GRM8: variants seen among roughly 807,000 people sequenced by gnomAD.
GRM8 encodes metabotropic glutamate receptor 8.
GRM8 carries 47 observed loss-of-function variants against 87.2 expected under a neutral mutation model. The ratio of observed to expected loss-of-function variants is 0.54; its 90% CI spans 0.43 to 0.69. The LOEUF is 0.69. Ranked by LOEUF, GRM8 falls within the 30% of genes least tolerant of loss-of-function variation. The pLI is 0.00. For synonymous variants in GRM8, 396 were observed against 404.5 expected, an observed-to-expected ratio of 0.98 and a Z score of 0.25; for missense variants, 1,019 against 1,139.2, an observed-to-expected ratio of 0.89 and a Z score of 1.52.
intron 3 of GRM8, among the ~76,000 whole-genome samples, chr7:127,020,860 T>C (rs980484217): frequency 5.3e-5 from 8 of 152,016 alleles, no homozygotes; most frequent in Non-Finnish European, 1.0e-4. Context: ...CAATGTCCAA[T>C]TACCATTCAG....
chr7:126,852,262 C>T (rs1797281387), intron 6 of GRM8, among the ~76,000 whole-genome samples: 1 of 152,154 alleles, frequency 6.6e-6, no homozygotes, highest in Non-Finnish European at 1.5e-5. Context: ...CAGCCAGGCC[C>T]AGCATGAGCC....
At chr7:126,704,131 G>A (rs533137489) in intron 7 of GRM8, among the ~76,000 whole-genome samples, 2 of 152,266 alleles carry the variant, frequency 1.3e-5, no homozygotes, top group East Asian at 3.9e-4. Context: ...CGAATGGAGG[G>A]ACTGGTTGAA....
chr7:126,907,294 G>A (rs1802812715), intron 3 of GRM8, among the ~76,000 whole-genome samples: 1 of 147,410 alleles, frequency 6.8e-6, no homozygotes. Flanking sequence ...AAGGGGAGGA[G>A]GAAGAGGGAG....
rs868858867 is a variant in GRM8 at position 126,875,132 on chromosome 7, A to T, written c.1156+27410T>A. 3.3e-5 allele frequency among the ~76,000 whole-genome samples: 5 copies of T among 152,164 alleles called. No homozygotes were observed. The East Asian group carries it at 5.8e-4, about 18-fold the overall frequency. On this transcript the variant is annotated intron_variant, in intron 6 of 10. Coordinates refer to ENST00000339582, the MANE Select transcript of GRM8 (RefSeq NM_000845.3). ...CAAGATACTTCAAACTAATTTAGAA[A>T]GTCTCAAAATAATTCAAAAATAATT...
intron 8 of GRM8, among the ~76,000 whole-genome samples, chr7:126,568,106 T>C (rs1309828779): frequency 1.3e-5 from 2 of 152,134 alleles, no homozygotes; most frequent in Non-Finnish European, 2.9e-5. Context: ...AAAAGACATT[T>C]GCCTACTGTT....
At chr7:126,736,592 G>A (rs527400115) in intron 7 of GRM8, among the ~76,000 whole-genome samples, 1 of 152,078 alleles carries the variant, frequency 6.6e-6, no homozygotes, top group East Asian at 1.9e-4. Context: ...GCAAAAAACT[G>A]CTTTAAATAT....
chr7:126,888,238 G>T (rs1267702755), intron 6 of GRM8, among the ~76,000 whole-genome samples: 1 of 152,040 alleles, frequency 6.6e-6, no homozygotes, highest in East Asian at 1.9e-4. Context: ...CACTTCCAAA[G>T]CTATCAGCCT....
intron 9 of GRM8, among the ~76,000 whole-genome samples, chr7:126,510,148 A>C (rs1408648736): frequency 1.3e-5 from 2 of 152,054 alleles, no homozygotes; most frequent in Non-Finnish European, 2.9e-5. Context: ...ATAGCTGCAC[A>C]TTTCTTTTGG....
intron 9 of GRM8, among the ~76,000 whole-genome samples, chr7:126,524,701 T>A (rs1813558697): frequency 6.6e-6 from 1 of 152,200 alleles, no homozygotes; most frequent in Non-Finnish European, 1.5e-5. Flanking sequence ...TTCCTTTTTT[T>A]CACTTTTCTT....
intron 2 of GRM8, among the ~76,000 whole-genome samples, chr7:127,155,690 G>T (rs1223998502): frequency 6.6e-6 from 1 of 152,090 alleles, no homozygotes; most frequent in African/African-American, 2.4e-5. Context: ...TTATTCACAA[G>T]TTTTTCCATG....
At position 126,677,441 on chromosome 7, in the gene GRM8, G is replaced by A. The variant is rs866624904; in HGVS notation, c.1358-67943C>T. Among the ~76,000 whole-genome samples, 7 of 151,110 alleles carry A rather than the reference G, an allele frequency of 4.6e-5. No individual in the cohort carries two copies. In the South Asian group the frequency reaches 1.0e-3, roughly 22 times the overall value. ...GTACAATTCACAATTACAAAGATAC[G>A]GACTCAACCTAAGAGCCCATCAACT... On this transcript the variant is annotated intron_variant, in intron 7 of 10. Coordinates refer to ENST00000339582, the MANE Select transcript of GRM8 (RefSeq NM_000845.3).
chr7:126,806,818 CCG>C (rs1792805182), intron 6 of GRM8, among the ~76,000 whole-genome samples: 1 of 152,184 alleles, frequency 6.6e-6, no homozygotes. Context: ...CTTGCGGAGC[CCG>C]CGCCTACCCG....
chr7:126,928,046 G>A (rs975796014), intron 3 of GRM8, among the ~76,000 whole-genome samples: 13 of 151,968 alleles, frequency 8.6e-5, no homozygotes, highest in South Asian at 6.2e-4. Flanking sequence ...CTTAAAAAAC[G>A]GATGAGTTCA....
intron 2 of GRM8, among the ~76,000 whole-genome samples, chr7:127,176,180 T>G (rs2116366977): frequency 6.6e-6 from 1 of 152,204 alleles, no homozygotes; most frequent in South Asian, 2.1e-4. Context: ...AAAAAATTTT[T>G]AAGAAATGTA....
intron 9 of GRM8, among the ~76,000 whole-genome samples, chr7:126,484,136 G>A (rs1807072275): frequency 6.6e-6 from 1 of 152,010 alleles, no homozygotes; most frequent in South Asian, 2.1e-4. Flanking sequence ...AATATTAAAT[G>A]AAGTGCACTT....
At chr7:126,647,346 T>TAG (rs1563054884) in intron 7 of GRM8, among the ~76,000 whole-genome samples, 1 of 149,738 alleles carries the variant, frequency 6.7e-6, no homozygotes, top group East Asian at 2.0e-4. Context: ...TAGATAGATA[T>TAG]AGATATAGAT....
intron 7 of GRM8, among the ~76,000 whole-genome samples, chr7:126,717,068 C>T (rs1253181796): frequency 6.6e-6 from 1 of 152,142 alleles, no homozygotes; most frequent in Non-Finnish European, 1.5e-5. Context: ...AGAGATGCAG[C>T]AGATTATGAA....
At chr7:126,467,767 AT>A (rs888244727) in intron 9 of GRM8, among the ~76,000 whole-genome samples, 2 of 152,072 alleles carry the variant, frequency 1.3e-5, no homozygotes, top group Non-Finnish European at 2.9e-5. Flanking sequence ...AAAATCAAAT[AT>A]GTTTAAGAAT....
intron 9 of GRM8, among the ~76,000 whole-genome samples, chr7:126,489,112 A>G: frequency 6.6e-6 from 1 of 152,076 alleles, no homozygotes; most frequent in East Asian, 1.9e-4. Flanking sequence ...TCCACATAGT[A>G]TAGACTTAAA....
Sources: allele counts gnomAD v4.1 joint callset (sites outside exome capture counted in the v4.1 genomes callset), GRCh38; gene constraint gnomAD v4.1.1; transcripts MANE v1.5; gene names NCBI Gene and HGNC (gene_info 2026-07-23, HGNC 2026-07-21).